The following ATP7B variants were observed in gnomAD, a reference collection of about 807,000 sequenced individuals.
ATP7B encodes the protein ATPase copper transporting beta.
ATP7B carries 113 observed loss-of-function variants against 118.9 expected under a neutral mutation model. The ratio of observed to expected loss-of-function variants is 0.95; its 90% CI spans 0.82 to 1.11. ATP7B has a LOEUF of 1.11. ATP7B is among the 50% of genes most tolerant of loss of function. The probability of loss-of-function intolerance (pLI) is 0.00; values close to 1 mark genes in which losing one functional copy is unlikely to be tolerated. For synonymous variants in ATP7B, 777 were observed against 727.4 expected, an observed-to-expected ratio of 1.07 and a Z score of -1.10; for missense variants, 1,867 against 1,871.4, an observed-to-expected ratio of 1.00 and a Z score of 0.04.
intron 7 of ATP7B, chr13:51,959,502 C>A: frequency 7.2e-6 from 1 of 139,764 alleles, no homozygotes. Context: ...GGGTGAGACC[C>A]TGTCTCAAAA....
intron 1 of ATP7B, among the ~76,000 whole-genome samples, chr13:51,994,368 T>C (rs1953088983): frequency 6.6e-6 from 1 of 152,240 alleles, no homozygotes; most frequent in Non-Finnish European, 1.5e-5. Context: ...GTGTAGAAGC[T>C]ACCCAAACGG....
intron 2 of ATP7B, among the ~76,000 whole-genome samples, chr13:51,972,778 T>C (rs1033797346): frequency 5.9e-5 from 9 of 152,110 alleles, no homozygotes; most frequent in Non-Finnish European, 1.3e-4. Flanking sequence ...GGCGGGAGGA[T>C]TGCTAGAGGC....
Position 51,993,213 on chromosome 13 carries a change from G to A in ATP7B, c.52-18045C>T, listed in dbSNP as rs139846211. Reference sequence around the variant, plus strand: ...CTTTATACTTTTTTGTATTCTCCTCGTTCCATCGTAAATTTGTTTTTTATA... The same window carrying A: ...CTTTATACTTTTTTGTATTCTCCTCATTCCATCGTAAATTTGTTTTTTATA... On this transcript the variant is annotated intron_variant, in intron 1 of 20. Transcript: ENST00000242839. Among the ~76,000 whole-genome samples, 416 of 151,874 alleles carry A rather than the reference G, an allele frequency of 2.7e-3. 3 individuals carry two copies. The highest frequency in any genetic ancestry group is 9.5e-3 in the African/African-American group (393 of 41,392).
intron 4 of ATP7B, 115 bp from the exon 5 acceptor site, chr13:51,965,148 C>T: frequency 7.7e-7 from 1 of 1,307,168 alleles, no homozygotes; most frequent in South Asian, 1.2e-5. Context: ...CTCAGCACTG[C>T]TCTCAAGACC....
chr13:52,010,258 T>C (rs1307144319), intron 1 of ATP7B, among the ~76,000 whole-genome samples: 1 of 152,198 alleles, frequency 6.6e-6, no homozygotes, highest in African/African-American at 2.4e-5. Flanking sequence ...TTCATTTCTG[T>C]ATCACCGGAG....
intron 8 of ATP7B, 85 bp from the exon 9 acceptor site, chr13:51,957,692 G>C: frequency 2.2e-6 from 3 of 1,348,918 alleles, no homozygotes; most frequent in Admixed American, 1.7e-5. Flanking sequence ...CGTGGTGTTA[G>C]AGACAGCTGG....
chr13:51,977,442 ATAACTGTCTTC>A (rs997187450), intron 1 of ATP7B, among the ~76,000 whole-genome samples: 76 of 152,316 alleles, frequency 5.0e-4, no homozygotes, highest in African/African-American at 1.8e-3. Context: ...GATCATCAGT[ATAACTGTCTTC>A]CATCTCTACA....
At position 51,957,551 on chromosome 13, in the gene ATP7B, G is replaced by T; in HGVS notation, c.2412C>A (p.Thr804=). 1 of 1,614,076 alleles carries T rather than the reference G, an allele frequency of 6.2e-7. No homozygotes were observed. Among genetic ancestry groups the T allele is most frequent in the East Asian group, 2.2e-5 (1 of 44,890 alleles). ...KLMSLQATEA[T]VVTLGEDNLI... ...AATTGTCCTCACCAAGGGTCACAACGGTGGCTTCTGTGGCTTGGAGAGACA... is the reference window on the plus strand; with the variant it reads ...AATTGTCCTCACCAAGGGTCACAACTGTGGCTTCTGTGGCTTGGAGAGACA... The change falls in exon 9 of 21, where the codon ACC becomes ACA. Residue 804 remains threonine, a synonymous_variant. Transcript: ENST00000242839.
intron 1 of ATP7B, among the ~76,000 whole-genome samples, chr13:51,977,599 G>A (rs1056379149): frequency 3.3e-5 from 5 of 152,156 alleles, no homozygotes; most frequent in African/African-American, 1.2e-4. Context: ...CTTTTTATAA[G>A]TAGAAGGAGT....
In ATP7B at chr13:51,935,453, G is replaced by C. The variant is rs1209086937; in HGVS notation, c.4124+140C>G. 4.3e-6 allele frequency: 4 copies of C among 930,714 alleles called. No individual in the cohort carries two copies. In the South Asian group the frequency reaches 5.9e-5, roughly 14 times the overall value. The allele number at this position is 930,714 out of a possible 1,614,324, so 57.7% of individuals were successfully genotyped here. On this transcript the variant is annotated intron_variant, in intron 20 of 20. Transcript: ENST00000242839. ...TGATAAGTTACATGCATGCACACCA[G>C]GCTCCATGTGGGCTGCCACTGCAGC...
At chr13:51,979,868 A>G (rs527483809) in intron 1 of ATP7B, among the ~76,000 whole-genome samples, 1 of 152,364 alleles carries the variant, frequency 6.6e-6, no homozygotes, top group African/African-American at 2.4e-5. Flanking sequence ...CTTATTATCA[A>G]ACACTACTCA....
At chr13:51,948,227 T>C (rs1010843256) in intron 12 of ATP7B, among the ~76,000 whole-genome samples, 6 of 152,198 alleles carry the variant, frequency 3.9e-5, no homozygotes, top group Non-Finnish European at 8.8e-5. Flanking sequence ...GTGAAGGATT[T>C]TTTTTAAAAG....
chr13:51,970,767 A>G lies in ATP7B; in HGVS notation c.1286-18T>C. 1 of 1,611,970 alleles carries G rather than the reference A, an allele frequency of 6.2e-7. No homozygotes were observed. Among genetic ancestry groups the G allele is most frequent in the Non-Finnish European group, 8.5e-7 (1 of 1,178,096 alleles). On this transcript the variant is annotated intron_variant, in intron 2 of 20. Transcript: ENST00000242839. ...ACAGCTTTCTAGGATAAAATGTCAG[A>G]AAATATTCAAATTAGAAGAGCAAAT...
Position 51,933,830 on chromosome 13 carries a change from G to A in ATP7B, c.*926C>T, listed in dbSNP as rs1434634285. 1 of 152,156 alleles carries A rather than the reference G, an allele frequency of 6.6e-6. No homozygotes were observed. The highest frequency in any genetic ancestry group is 2.4e-5 in the African/African-American group (1 of 41,398). 9.4% of individuals were successfully genotyped at this position (152,156 alleles called of 1,614,324 possible). On this transcript the variant is annotated 3_prime_UTR_variant, in exon 21 of 21. Coordinates refer to ENST00000242839, the MANE Select transcript of ATP7B (RefSeq NM_000053.4). ...TCCTGCACACATACGTTTCCCATGG[G>A]GCAAACGTTTCAAGCACCACAGGCT...
chr13:51,935,506 T>A, intron 20 of ATP7B, 87 bp downstream of exon 20: 1 of 1,379,118 alleles, frequency 7.3e-7, no homozygotes, highest in Non-Finnish European at 1.0e-6. Flanking sequence ...GAATGGGAAA[T>A]GAGAGGCAAG....
At chr13:51,985,006 C>G (rs1952587789) in intron 1 of ATP7B, among the ~76,000 whole-genome samples, 1 of 152,176 alleles carries the variant, frequency 6.6e-6, no homozygotes, top group Admixed American at 6.5e-5. Context: ...GAAACTGCAT[C>G]AACTAATAGC....
Position 52,011,404 on chromosome 13 carries a change from G to A in ATP7B, c.-67C>T, listed in dbSNP as rs1002590603. 2 of 1,608,092 alleles carry A rather than the reference G, an allele frequency of 1.2e-6. No homozygotes were observed. The highest frequency in any genetic ancestry group is 3.3e-5 in the Admixed American group (2 of 59,954). On this transcript the variant is annotated 5_prime_UTR_variant, in exon 1 of 21. Transcript: ENST00000242839. ...AGCAAAAGGTCACCTGGTCGGTGGAGGAGAGCGGGGTGTTAAAGTCCCGGG... is the reference window on the plus strand; with the variant it reads ...AGCAAAAGGTCACCTGGTCGGTGGAAGAGAGCGGGGTGTTAAAGTCCCGGG...
intron 2 of ATP7B, among the ~76,000 whole-genome samples, chr13:51,971,588 G>A (rs541628194): frequency 4.6e-5 from 7 of 152,186 alleles, no homozygotes; most frequent in Non-Finnish European, 8.8e-5. Flanking sequence ...ACAGGCAGAT[G>A]TTTACCTTAT....
intron 1 of ATP7B, among the ~76,000 whole-genome samples, chr13:51,979,223 G>T (rs1463709061): frequency 2.0e-5 from 3 of 152,192 alleles, no homozygotes; most frequent in Non-Finnish European, 4.4e-5. Flanking sequence ...GAATTACACG[G>T]AGCTTGAATA....
Sources: allele counts gnomAD v4.1 joint callset (sites outside exome capture counted in the v4.1 genomes callset), GRCh38; gene constraint gnomAD v4.1.1; transcripts MANE v1.5; gene names NCBI Gene and HGNC (gene_info 2026-07-23, HGNC 2026-07-21).